The following CELSR1 variants were observed in gnomAD, a reference collection of about 807,000 sequenced individuals.
The protein encoded by CELSR1 is adhesion G protein-coupled receptor C1.
CELSR1 carries 110 observed loss-of-function variants against 249.1 expected under a neutral mutation model. The observed-to-expected ratio is 0.44, with a 90% CI of 0.38 to 0.52. The LOEUF (loss-of-function observed/expected upper bound fraction) is 0.52, where lower values mean the gene tolerates loss of function less well. Among genes scored for constraint, CELSR1 ranks in the 20% least tolerant of loss-of-function variants. The pLI is 0.00. For missense variants in CELSR1, 4,109 were observed against 4,296.4 expected (o/e 0.96, Z 1.22); for synonymous variants, 2,113 against 1,900.0 (o/e 1.11, Z -2.92).
intron 2 of CELSR1, among the ~76,000 whole-genome samples, chr22:46,456,661 TAAA>T (rs556357746): frequency 0.17 from 10,131 of 59,370 alleles, 473 homozygotes; most frequent in Middle Eastern, 0.26. Context: ...AGACTCTGTC[TAAA>T]AAAAAAAAAA....
At position 46,428,518 on chromosome 22, in the gene CELSR1, G is replaced by A. The variant is rs2079560470; in HGVS notation, c.4611+4875C>T. Among the ~76,000 whole-genome samples, 1 of 152,238 alleles carries A rather than the reference G, an allele frequency of 6.6e-6. No homozygotes were observed. Among genetic ancestry groups the A allele is most frequent in the Non-Finnish European group, 1.5e-5 (1 of 68,044 alleles). On this transcript the variant is annotated intron_variant, in intron 5 of 34. Transcript: ENST00000674500. The surrounding 1 kb of genome is among the most constrained non-coding windows in gnomAD (Gnocchi z 5.7). ...GCTGAGCTCCCGTCTCACTAGCCCA[G>A]TGGTTCTCATCCAGGGCATGACCTC... is the stretch of plus-strand genomic sequence containing the variant.
chr22:46,464,139 T>G lies in CELSR1; in HGVS notation c.3751A>C (p.Thr1251Pro). Residue 1251 changes from threonine to proline, a missense_variant, in exon 2 of 35, where the codon ACC becomes CCC. By Grantham distance (38) the Thr-to-Pro change is conservative (BLOSUM62 -1). Coordinates refer to ENST00000674500, the MANE Select transcript of CELSR1 (RefSeq NM_001378328.1). The surrounding 1 kb of genome is among the most constrained non-coding windows in gnomAD (Gnocchi z 8.5). ...TTCAGGATGTTGGAGCTGACGTCGG[T>G]GTCGTTCTGGACGTTGAAGACGAAG... ...DVFVFNVQND[T>P]DVSSNILNVT... is the part of the protein sequence containing the mutation. The G allele has an allele frequency of 6.2e-7, 1 of 1,613,822 alleles. No homozygotes were observed. Among genetic ancestry groups the G allele is most frequent in the Non-Finnish European group, 8.5e-7 (1 of 1,180,028 alleles).
In CELSR1 at chr22:46,526,591, C is replaced by T. The variant is rs148293981; in HGVS notation, c.3544+7036G>A. ...CATCTCTGTCCCCAGGCTCTCCAAC[C>T]GCCAGACGGCATCCATCACGGATGA... On this transcript the variant is annotated intron_variant, in intron 1 of 34. Transcript: ENST00000674500. The surrounding 1 kb of genome is among the most constrained non-coding windows in gnomAD (Gnocchi z 4.7). Among the ~76,000 whole-genome samples the T allele has an allele frequency of 1.1e-4, 17 of 152,342 alleles. No individual in the cohort carries two copies. Among genetic ancestry groups the T allele is most frequent in the South Asian group, 2.1e-4 (1 of 4,828 alleles).
In CELSR1 at chr22:46,535,635, C is replaced by A. The variant is rs1248619195; in HGVS notation, c.1536G>T (p.Leu512=). The A allele has an allele frequency of 1.9e-6, 3 of 1,613,402 alleles. No homozygotes were observed. Among genetic ancestry groups the A allele is most frequent in the East Asian group, 4.5e-5 (2 of 44,890 alleles). ...GGTTGATCACATCCAGGATCCCGCT[C>A]AGCGAGTGCAGGTAGAACTGGCCGG... ...NVAGQFYLHS[L]SGILDVINPL... The change falls in exon 1 of 35, where the codon CTG becomes CTT. Residue 512 remains leucine (L), a synonymous_variant. Transcript: ENST00000674500.
intron 1 of CELSR1, among the ~76,000 whole-genome samples, chr22:46,523,049 T>C (rs1056297603): frequency 1.3e-5 from 2 of 152,252 alleles, no homozygotes; most frequent in African/African-American, 2.4e-5. Flanking sequence ...ATCAACTCAC[T>C]GACAAATGGT....
At chr22:46,457,690 C>T (rs912114799) in intron 2 of CELSR1, among the ~76,000 whole-genome samples, 6 of 152,210 alleles carry the variant, frequency 3.9e-5, no homozygotes, top group Non-Finnish European at 2.9e-5. Flanking sequence ...CTGGAGCCCA[C>T]ACTCCCGCTC....
chr22:46,535,117 G>A lies in CELSR1; in HGVS notation c.2054C>T (p.Pro685Leu), dbSNP rs1159461623. The change falls in exon 1 of 35, where the codon CCG becomes CTG. Residue 685 changes from proline (P) to leucine (L), a missense_variant. Pro to Leu is a moderately conservative substitution (Grantham distance 98, BLOSUM62 -3). Coordinates refer to ENST00000674500, the MANE Select transcript of CELSR1 (RefSeq NM_001378328.1). ...CTCGTAGGTGGGCTGCGTGAACACC[G>A]GGTCGTTGTCATTCACGTCCAGCAC... ...ITVLDVNDND[P>L]VFTQPTYELR... 1.9e-6 allele frequency: 3 copies of A among 1,611,468 alleles called. No individual in the cohort carries two copies. Among genetic ancestry groups the A allele is most frequent in the Non-Finnish European group, 2.5e-6 (3 of 1,179,828 alleles).
chr22:46,537,030 G>A lies in CELSR1; in HGVS notation c.141C>T (p.Gly47=). The A allele has an allele frequency of 9.1e-7, 1 of 1,104,718 alleles. No homozygotes were observed. Among genetic ancestry groups the A allele is most frequent in the Non-Finnish European group, 1.1e-6 (1 of 906,844 alleles). 68.4% of individuals were successfully genotyped at this position (1,104,718 alleles called of 1,614,324 possible). ...GGTRAFALRP[G]CTYAVGAACT... Reference sequence around the variant, plus strand: ...AAGCGGCGCCCACCGCGTAGGTACAGCCGGGCCGGAGGGCGAAGGCGCGGG... The same window carrying A: ...AAGCGGCGCCCACCGCGTAGGTACAACCGGGCCGGAGGGCGAAGGCGCGGG... The change falls in exon 1 of 35, where the codon GGC becomes GGT. Residue 47 remains glycine (G), a synonymous_variant. Coordinates refer to ENST00000674500, the MANE Select transcript of CELSR1 (RefSeq NM_001378328.1). This position sits in a 1 kb window ranked among gnomAD's most constrained non-coding sequence, Gnocchi z 5.8.
chr22:46,462,296 C>T (rs1051775631), intron 2 of CELSR1, among the ~76,000 whole-genome samples: 4 of 152,196 alleles, frequency 2.6e-5, no homozygotes, highest in Non-Finnish European at 5.9e-5. Context: ...TGCCATATGA[C>T]CAGAGGGCCA....
Position 46,535,094 on chromosome 22 carries a change from C to T in CELSR1, c.2077G>A (p.Glu693Lys), listed in dbSNP as rs1569226066. The change falls in exon 1 of 35, where the codon GAG (glutamate) becomes AAG (lysine). Residue 693 changes from glutamate (E) to lysine (K), a missense_variant. By Grantham distance (56) the Glu-to-Lys change is moderately conservative. Around this residue, in one of 7 missense-constraint regions of CELSR1, gnomAD observed 886 missense variants for 896.5 expected, o/e 0.99. Coordinates refer to ENST00000674500, the MANE Select transcript of CELSR1 (RefSeq NM_001378328.1). ...NDPVFTQPTY[E>K]LRLNEDAAVG... ...GCCGCATCCTCATTCAGACGAAGCTCGTAGGTGGGCTGCGTGAACACCGGG... is the reference window on the plus strand; with the variant it reads ...GCCGCATCCTCATTCAGACGAAGCTTGTAGGTGGGCTGCGTGAACACCGGG... 6 of 1,612,172 alleles carry T rather than the reference C, an allele frequency of 3.7e-6. No homozygotes were observed. Among genetic ancestry groups the T allele is most frequent in the South Asian group, 1.1e-5 (1 of 91,056 alleles).
rs112480089 is a variant in CELSR1, at chr22:46,437,356, C to T, written c.4407-1067G>A. 5.9e-5 allele frequency among the ~76,000 whole-genome samples: 9 copies of T among 152,350 alleles called. No individual in the cohort carries two copies. The highest frequency in any genetic ancestry group is 2.6e-4 in the Admixed American group (4 of 15,296). On this transcript the variant is annotated intron_variant, in intron 3 of 34. Coordinates refer to ENST00000674500, the MANE Select transcript of CELSR1 (RefSeq NM_001378328.1). This position sits in a 1 kb window ranked among gnomAD's most constrained non-coding sequence, Gnocchi z 4.9. ...GGGTGTCTCCACCATCAGAGATACA[C>T]GGCAGGAACTCCTTTTAACCTAAGG...
rs2147414281 is a variant in CELSR1, at chr22:46,429,366, A to T, written c.4611+4027T>A. On this transcript the variant is annotated intron_variant, in intron 5 of 34. Transcript: ENST00000674500. This position sits in a 1 kb window ranked among gnomAD's most constrained non-coding sequence, Gnocchi z 4.1. ...AAACAAACAAACAAACAAACAAAAA[A>T]CCAGCCTGGGGTGAAGCAACGACTG... Among the ~76,000 whole-genome samples, 1 of 152,152 alleles carries T rather than the reference A, an allele frequency of 6.6e-6. No homozygotes were observed. Among genetic ancestry groups the T allele is most frequent in the South Asian group, 2.1e-4 (1 of 4,814 alleles).
chr22:46,386,704 A>G (rs908693003), intron 18 of CELSR1, 119 bp from the exon 19 acceptor site: 24 of 746,870 alleles, frequency 3.2e-5, no homozygotes, highest in Non-Finnish European at 4.7e-5. Context: ...TTCCAGCCCT[A>G]CACTTTAGAC....
chr22:46,372,592 C>T (rs1175929257), intron 25 of CELSR1, among the ~76,000 whole-genome samples: 1 of 151,802 alleles, frequency 6.6e-6, no homozygotes, highest in Non-Finnish European at 1.5e-5. Context: ...TTCCCTCCAT[C>T]CCTCCCATGT....
At chr22:46,385,776 C>T (rs2079026036) in intron 19 of CELSR1, among the ~76,000 whole-genome samples, 1 of 150,060 alleles carries the variant, frequency 6.7e-6, no homozygotes, top group African/African-American at 2.5e-5. Flanking sequence ...TTCCCGGGTT[C>T]ACGCCATTCT....
intron 5 of CELSR1, among the ~76,000 whole-genome samples, chr22:46,422,698 T>C (rs34103479): frequency 4.0e-4 from 59 of 146,388 alleles, no homozygotes; most frequent in Non-Finnish European, 7.4e-4. Flanking sequence ...ACCCAGGAGG[T>C]GGAGCTTGCA....
intron 1 of CELSR1, among the ~76,000 whole-genome samples, chr22:46,529,078 AC>A (rs2080766871): frequency 6.6e-6 from 1 of 151,882 alleles, no homozygotes; most frequent in Non-Finnish European, 1.5e-5. Flanking sequence ...ATCTTGGCTA[AC>A]ACGGTGAAAC....
chr22:46,478,670 G>A (rs2080235118), intron 1 of CELSR1, among the ~76,000 whole-genome samples: 1 of 151,420 alleles, frequency 6.6e-6, no homozygotes, highest in Non-Finnish European at 1.5e-5. Flanking sequence ...AGCCTCCCAA[G>A]TAGCTGGGAT....
In CELSR1 at chr22:46,380,777, G is replaced by A. The variant is rs199871365; in HGVS notation, c.7256+11C>T. 470 of 1,609,348 alleles carry A rather than the reference G, an allele frequency of 2.9e-4. No individual in the cohort carries two copies. The highest frequency in any genetic ancestry group is 8.3e-4 in the East Asian group (37 of 44,806). On this transcript the variant is annotated intron_variant, in intron 22 of 34. Coordinates refer to ENST00000674500, the MANE Select transcript of CELSR1 (RefSeq NM_001378328.1). This position sits in a 1 kb window ranked among gnomAD's most constrained non-coding sequence, Gnocchi z 5.1. ...AAAGCCCTCACATGGGGCTCCTGGC[G>A]TCACACTTACGCCAGGGAGTGGTTC...
Sources: gnomAD v4.1 joint callset for allele counts (sites outside exome capture counted in the v4.1 genomes callset) on GRCh38, gnomAD v4.1.1 for gene constraint, gnomAD v4.1.1 regional missense constraint, Gnocchi (gnomAD v3.1) non-coding constraint, MANE v1.5 for transcripts, NCBI Gene and HGNC (gene_info 2026-07-23, HGNC 2026-07-21) for gene names.